Variants in HS2ST1 observed in about 807,000 individuals in gnomAD.
HS2ST1 encodes 2-O-sulfotransferase.
HS2ST1 carries 18 observed loss-of-function variants against 42.9 expected under a neutral mutation model. That is an observed-to-expected ratio of 0.42 (90% CI 0.29 to 0.62). The LOEUF (loss-of-function observed/expected upper bound fraction) is 0.62, where lower values mean the gene tolerates loss of function less well. HS2ST1 is among the 20% of genes least tolerant of loss of function. The pLI is 0.21. For synonymous variants in HS2ST1, 146 were observed against 152.9 expected, an observed-to-expected ratio of 0.95 and a Z score of 0.33; for missense variants, 334 against 433.8, an observed-to-expected ratio of 0.77 and a Z score of 2.04.
intron 1 of HS2ST1, 76 bp from the exon 2 acceptor site, chr1:87,072,858 A>T (rs1651451534): frequency 1.0e-6 from 1 of 992,000 alleles, no homozygotes; most frequent in East Asian, 2.5e-5. Flanking sequence ...TTTTCTAATC[A>T]TGGTCCAAAG....
intron 2 of HS2ST1, among the ~76,000 whole-genome samples, chr1:87,080,730 G>A (rs1283239241): frequency 6.6e-6 from 1 of 152,182 alleles, no homozygotes; most frequent in Non-Finnish European, 1.5e-5. Flanking sequence ...CCTGGTAGCT[G>A]CCACATGGCG....
At chr1:86,956,539 T>C (rs1441372399) in intron 1 of HS2ST1, 1 of 152,246 alleles carries the variant, frequency 6.6e-6, no homozygotes, top group Non-Finnish European at 1.5e-5. Flanking sequence ...TTTTCAGCAG[T>C]GTGAACCTGC....
Position 87,073,589 on chromosome 1 carries a change from G to C in HS2ST1, c.363+417G>C, listed in dbSNP as rs912594600. Among the ~76,000 whole-genome samples, 16 of 152,198 alleles carry C rather than the reference G, an allele frequency of 1.1e-4. No individual in the cohort carries two copies. The East Asian group carries it at 3.1e-3, about 29-fold the overall frequency. ...CTAGATAGAGATAGAGATAGATACA[G>C]AGAGAGTTTATATATACATTGCTTA... On this transcript the variant is annotated intron_variant, in intron 2 of 6. Transcript: ENST00000370550.
intron 1 of HS2ST1, among the ~76,000 whole-genome samples, chr1:86,985,399 C>CAT (rs1206732495): frequency 0.013 from 430 of 34,234 alleles, 99 homozygotes; most frequent in Middle Eastern, 0.12. Flanking sequence ...CACACACACA[C>CAT]ATATATATAC....
At chr1:87,066,380 T>G (rs1418845359) in intron 1 of HS2ST1, among the ~76,000 whole-genome samples, 1 of 152,154 alleles carries the variant, frequency 6.6e-6, no homozygotes, top group Non-Finnish European at 1.5e-5. Flanking sequence ...TCATGACTCC[T>G]ACATTGCACC....
At chr1:86,935,740 A>G (rs1385443445) in intron 1 of HS2ST1, among the ~76,000 whole-genome samples, 1 of 152,094 alleles carries the variant, frequency 6.6e-6, no homozygotes, top group Non-Finnish European at 1.5e-5. Flanking sequence ...CTGGAATTAC[A>G]GGCGTGAGCC....
intron 1 of HS2ST1, among the ~76,000 whole-genome samples, chr1:86,920,310 G>T (rs1026473360): frequency 1.3e-5 from 2 of 152,166 alleles, no homozygotes; most frequent in Admixed American, 1.3e-4. Flanking sequence ...CAGGGCCAAG[G>T]TTGAGACTGC....
intron 1 of HS2ST1, among the ~76,000 whole-genome samples, chr1:86,925,711 G>T (rs1660402899): frequency 6.6e-6 from 1 of 152,186 alleles, no homozygotes. Flanking sequence ...TGCAACACAT[G>T]TGAATTCAAC....
At chr1:87,090,074 G>GT (rs1651904510) in intron 3 of HS2ST1, among the ~76,000 whole-genome samples, 2 of 151,992 alleles carry the variant, frequency 1.3e-5, no homozygotes, top group Non-Finnish European at 2.9e-5. Context: ...TCTCCTTGTA[G>GT]TTTCCTATTA....
chr1:86,945,545 T>C (rs1647306504), intron 1 of HS2ST1, among the ~76,000 whole-genome samples: 1 of 128,334 alleles, frequency 7.8e-6, no homozygotes, highest in South Asian at 2.9e-4. Context: ...TTTTAAAATA[T>C]GCTGCCATCA....
chr1:87,061,918 TC>T (rs1182354089), intron 1 of HS2ST1, among the ~76,000 whole-genome samples: 7 of 151,242 alleles, frequency 4.6e-5, no homozygotes, highest in Admixed American at 3.3e-4. Flanking sequence ...TATTCTTTTC[TC>T]TTTTTTTTTT....
chr1:87,059,088 G>A (rs892792444), intron 1 of HS2ST1, among the ~76,000 whole-genome samples: 2 of 152,020 alleles, frequency 1.3e-5, no homozygotes, highest in African/African-American at 4.8e-5. Flanking sequence ...AAAATATGAA[G>A]CATTGTTCCT....
At chr1:86,968,139 TTTC>T (rs775264178) in intron 1 of HS2ST1, among the ~76,000 whole-genome samples, 26 of 152,252 alleles carry the variant, frequency 1.7e-4, no homozygotes, top group Non-Finnish European at 2.9e-4. Context: ...GATTATTTGT[TTTC>T]TTCTTACTGA....
At chr1:86,967,695 T>C (rs72949786) in intron 1 of HS2ST1, among the ~76,000 whole-genome samples, 135 of 152,348 alleles carry the variant, frequency 8.9e-4, no homozygotes, top group African/African-American at 2.8e-3. Context: ...TATCCACTCA[T>C]TGGTCATTGG....
chr1:86,925,197 G>C (rs563980653), intron 1 of HS2ST1, among the ~76,000 whole-genome samples: 2 of 152,030 alleles, frequency 1.3e-5, no homozygotes, highest in Non-Finnish European at 2.9e-5. Context: ...CAAATTCCTT[G>C]TCTCCATCTG....
chr1:86,985,553 T>TAC (rs71082055), intron 1 of HS2ST1, among the ~76,000 whole-genome samples: 17,646 of 37,610 alleles, frequency 0.47, 2,302 homozygotes, highest in South Asian at 0.52. Context: ...CACATATATA[T>TAC]ACACACACAC....
chr1:87,098,248 C>A, intron 5 of HS2ST1: 1 of 1,026,292 alleles, frequency 9.7e-7, no homozygotes, highest in Non-Finnish European at 1.2e-6. Flanking sequence ...TGTCATAAAT[C>A]TTATTTTGTC....
chr1:87,055,010 C>T (rs1279928843), intron 1 of HS2ST1, among the ~76,000 whole-genome samples: 1 of 152,140 alleles, frequency 6.6e-6, no homozygotes, highest in Non-Finnish European at 1.5e-5. Context: ...CCCTGCATTC[C>T]CTTTCTCTAA....
chr1:87,106,653 TTAAAAGAACATAGGCAGGC>T lies in HS2ST1; in HGVS notation c.*1959_*1977del. The T allele has an allele frequency of 6.6e-6, 1 of 152,154 alleles. No individual in the cohort carries two copies. The highest frequency in any genetic ancestry group is 1.9e-4 in the East Asian group (1 of 5,186). 9.4% of individuals were successfully genotyped at this position (152,154 alleles called of 1,614,324 possible). A position where few individuals can be genotyped will look rare whatever the true frequency, so the allele number is the denominator to read the frequency against. On this transcript the variant is annotated 3_prime_UTR_variant, in exon 7 of 7. Coordinates refer to ENST00000370550, the MANE Select transcript of HS2ST1 (RefSeq NM_012262.4). ...CTTTCCTCACAATAATATAAAAATA[TTAAAAGAACATAGGCAGGC>T]TTTTTTTAAATTTGGCTTTTTTCTT...
Sources: allele counts gnomAD v4.1 joint callset (sites outside exome capture counted in the v4.1 genomes callset), GRCh38; gene constraint gnomAD v4.1.1; transcripts MANE v1.5; gene names NCBI Gene and HGNC (gene_info 2026-07-23, HGNC 2026-07-21).